Variants in HRH1 observed in about 807,000 individuals in gnomAD.
The protein encoded by HRH1 is histamine receptor H1.
A neutral mutation model predicts 10.3 loss-of-function variants in HRH1; 6 were observed. That is an observed-to-expected ratio of 0.58 (90% CI 0.32 to 1.15). The LOEUF (loss-of-function observed/expected upper bound fraction) is 1.15, where lower values mean the gene tolerates loss of function less well. HRH1 is among the 50% of genes most tolerant of loss of function. The pLI is 0.05. For synonymous variants in HRH1, 242 were observed against 236.7 expected, an observed-to-expected ratio of 1.02 and a Z score of -0.21; for missense variants, 514 against 615.3, an observed-to-expected ratio of 0.84 and a Z score of 1.74.
intron 1 of HRH1, among the ~76,000 whole-genome samples, chr3:11,177,653 A>G (rs1937272608): frequency 6.6e-6 from 1 of 152,180 alleles, no homozygotes; most frequent in African/African-American, 2.4e-5. Flanking sequence ...GACTTTGTCC[A>G]ATTTATCTTA....
intron 1 of HRH1, among the ~76,000 whole-genome samples, chr3:11,197,991 G>T (rs2125025468): frequency 6.6e-6 from 1 of 152,214 alleles, no homozygotes; most frequent in African/African-American, 2.4e-5. Context: ...TCTGCTTGTT[G>T]TTCGGCATCA....
At chr3:11,233,139 T>G (rs1939087905) in intron 1 of HRH1, among the ~76,000 whole-genome samples, 1 of 152,206 alleles carries the variant, frequency 6.6e-6, no homozygotes, top group Non-Finnish European at 1.5e-5. Context: ...GATTTAGGTC[T>G]CTTGCCAAAT....
At chr3:11,218,535 T>C (rs13353463) in intron 1 of HRH1, among the ~76,000 whole-genome samples, 92,444 of 151,886 alleles carry the variant, frequency 0.61, 28,316 homozygotes, top group East Asian at 0.69. Context: ...ATGGGTGGGA[T>C]GGGACACATA....
intron 1 of HRH1, among the ~76,000 whole-genome samples, chr3:11,219,236 GCA>G (rs1938615011): frequency 2.0e-5 from 3 of 152,110 alleles, no homozygotes; most frequent in South Asian, 2.1e-4. Flanking sequence ...ACCTCAGGGA[GCA>G]GTGACTCCAG....
rs1045277651 is a variant in HRH1 at position 11,259,010 on chromosome 3, G to C, written c.-28G>C. ...TTCTCTCTTTTCTCCCAGGGAGTGA[G>C]CCATAACTGGTGGCTGCTCTTGCGC... On this transcript the variant is annotated 5_prime_UTR_variant, in exon 2 of 2. Transcript: ENST00000431010. This position sits in a 1 kb window ranked among gnomAD's most constrained non-coding sequence, Gnocchi z 4.6. 1 of 1,558,696 alleles carries C rather than the reference G, an allele frequency of 6.4e-7. No homozygotes were observed. Among genetic ancestry groups the C allele is most frequent in the African/African-American group, 1.4e-5 (1 of 73,328 alleles).
At position 11,218,309 on chromosome 3, in the gene HRH1, G is replaced by A. The variant is rs540669823; in HGVS notation, c.-35-40694G>A. ...AAAATACAAAAAAAATTAGCCAGGC[G>A]TGGTGGCAGGTGCCTGTAGTCCCAG... On this transcript the variant is annotated intron_variant, in intron 1 of 1. Transcript: ENST00000431010. Among the ~76,000 whole-genome samples the A allele has an allele frequency of 1.4e-4, 22 of 151,930 alleles. No individual in the cohort carries two copies. The East Asian group carries it at 2.5e-3, about 17-fold the overall frequency.
intron 1 of HRH1, among the ~76,000 whole-genome samples, chr3:11,191,967 A>C (rs1937542080): frequency 6.6e-6 from 1 of 152,188 alleles, no homozygotes; most frequent in Non-Finnish European, 1.5e-5. Context: ...TTATGGGGAA[A>C]AGAGGCCCAT....
At chr3:11,219,478 C>T (rs867174450) in intron 1 of HRH1, among the ~76,000 whole-genome samples, 4 of 151,946 alleles carry the variant, frequency 2.6e-5, no homozygotes, top group Admixed American at 1.3e-4. Flanking sequence ...CTTTGGGAGG[C>T]CGAGGCGGGC....
intron 1 of HRH1, among the ~76,000 whole-genome samples, chr3:11,215,648 A>G (rs1303677676): frequency 6.6e-6 from 1 of 152,184 alleles, no homozygotes; most frequent in East Asian, 1.9e-4. Context: ...TCACTGTGTT[A>G]GCCAGGATGG....
chr3:11,250,441 C>T (rs924502981), intron 1 of HRH1, among the ~76,000 whole-genome samples: 11 of 151,852 alleles, frequency 7.2e-5, no homozygotes, highest in Admixed American at 3.3e-4. Flanking sequence ...CCTCTCTCAA[C>T]GGTCCGGACT....
chr3:11,209,028 A>G (rs1254142781), intron 1 of HRH1, among the ~76,000 whole-genome samples: 3 of 152,230 alleles, frequency 2.0e-5, no homozygotes. Context: ...TTGCCCACGT[A>G]GATGCTAAAA....
chr3:11,192,038 T>C (rs1266753013), intron 1 of HRH1, among the ~76,000 whole-genome samples: 1 of 152,158 alleles, frequency 6.6e-6, no homozygotes, highest in Non-Finnish European at 1.5e-5. Context: ...TCCCCTTGGG[T>C]TTCATCCTGA....
chr3:11,152,351 T>C (rs1936652692), upstream of HRH1, among the ~76,000 whole-genome samples: 1 of 152,166 alleles, frequency 6.6e-6, no homozygotes, highest in Non-Finnish European at 1.5e-5. Flanking sequence ...GGGTACCTCC[T>C]GATCTGTCAG....
intron 1 of HRH1, among the ~76,000 whole-genome samples, chr3:11,233,414 TTTG>T (rs1013076025): frequency 2.0e-5 from 3 of 152,284 alleles, no homozygotes; most frequent in South Asian, 2.1e-4. Flanking sequence ...TGGGTTCTTT[TTTG>T]TTGTTGTTGT....
intron 1 of HRH1, among the ~76,000 whole-genome samples, chr3:11,165,900 G>A (rs1937021638): frequency 6.6e-6 from 1 of 152,226 alleles, no homozygotes; most frequent in Non-Finnish European, 1.5e-5. Context: ...CTAACACGGA[G>A]TAAGGGAATA....
upstream of HRH1, among the ~76,000 whole-genome samples, chr3:11,153,718 C>A (rs1258744543): frequency 3.9e-5 from 6 of 152,100 alleles, no homozygotes; most frequent in African/African-American, 1.4e-4. Flanking sequence ...GCTCCCATTG[C>A]CAGGGACAGA....
intron 1 of HRH1, chr3:11,252,557 A>T (rs1939680676): frequency 6.6e-6 from 1 of 152,144 alleles, no homozygotes. Context: ...GGGTCTTTCC[A>T]CTCAAAGGCA....
At chr3:11,200,966 G>T (rs1937881161) in intron 1 of HRH1, among the ~76,000 whole-genome samples, 1 of 152,206 alleles carries the variant, frequency 6.6e-6, no homozygotes, top group Non-Finnish European at 1.5e-5. Context: ...GATGCTGAGG[G>T]TCTAGAGTAG....
chr3:11,156,861 T>A (rs1936814405), intron 1 of HRH1, among the ~76,000 whole-genome samples: 1 of 152,240 alleles, frequency 6.6e-6, no homozygotes, highest in South Asian at 2.1e-4. Context: ...GCTTCTTGTT[T>A]TCTCATCTGT....
Sources: allele counts gnomAD v4.1 joint callset (sites outside exome capture counted in the v4.1 genomes callset), GRCh38; gene constraint gnomAD v4.1.1; non-coding constraint Gnocchi (gnomAD v3.1); transcripts MANE v1.5; gene names NCBI Gene and HGNC (gene_info 2026-07-23, HGNC 2026-07-21).